CD59: variants seen among roughly 807,000 people sequenced by gnomAD.
The protein encoded by CD59 is CD59 glycoprotein.
In CD59, 3 loss-of-function variants were observed where a neutral mutation model predicts 7.0. That is an observed-to-expected ratio of 0.43 (90% confidence interval 0.19 to 1.10). The LOEUF (loss-of-function observed/expected upper bound fraction) is 1.10, where lower values mean the gene tolerates loss of function less well. CD59 is among the 50% of genes least tolerant of loss of function. The pLI, the probability that CD59 is intolerant of heterozygous loss-of-function variation, is 0.29. For missense variants in CD59, 143 were observed against 151.0 expected, an observed-to-expected ratio of 0.95 and a Z score of 0.28; for synonymous variants, 60 against 62.0, an observed-to-expected ratio of 0.97 and a Z score of 0.15.
At chr11:33,735,769 A>G (rs929085607) in intron 1 of CD59, among the ~76,000 whole-genome samples, 12 of 152,126 alleles carry the variant, frequency 7.9e-5, no homozygotes, top group Non-Finnish European at 1.8e-4. Context: ...TACAAAATTT[A>G]GCCAGGCATG....
intron 2 of CD59, 143 bp from the exon 3 acceptor site, chr11:33,717,614 T>C (rs1853860000): frequency 1.5e-6 from 1 of 674,610 alleles, no homozygotes; most frequent in Admixed American, 2.1e-5. Flanking sequence ...AGTTATATCT[T>C]TCCAAATTCA....
chr11:33,712,217 C>T (rs1853589528), intron 3 of CD59, among the ~76,000 whole-genome samples: 1 of 152,196 alleles, frequency 6.6e-6, no homozygotes, highest in Non-Finnish European at 1.5e-5. Flanking sequence ...ATCATGGTCT[C>T]ATTTTTGGAA....
intron 3 of CD59, among the ~76,000 whole-genome samples, chr11:33,713,801 C>T (rs1853667215): frequency 6.6e-6 from 1 of 152,176 alleles, no homozygotes; most frequent in South Asian, 2.1e-4. Context: ...ATTCAAACAA[C>T]AGCCTTAACG....
chr11:33,712,358 T>C (rs1176379130), intron 3 of CD59, among the ~76,000 whole-genome samples: 1 of 152,150 alleles, frequency 6.6e-6, no homozygotes, highest in East Asian at 1.9e-4. Flanking sequence ...TGATTCAAAA[T>C]TGCTAAAAAG....
rs1012035699 is a variant in CD59 at position 33,707,183 on chromosome 11, T to C, written c.*2943A>G. On this transcript the variant is annotated 3_prime_UTR_variant, in exon 4 of 4. Transcript: ENST00000642928. ...ATCAAGAATCCCTCAGGGGGATCTG[T>C]TAGCATTAGTTCAGATCTGTTGGCA... 5.3e-5 allele frequency: 8 copies of C among 152,262 alleles called. No homozygotes were observed. Among genetic ancestry groups the C allele is most frequent in the African/African-American group, 1.7e-4 (7 of 41,460 alleles). The allele number at this position is 152,262 out of a possible 1,614,324, so 9.4% of individuals were successfully genotyped here. A position where few individuals can be genotyped will look rare whatever the true frequency, so the allele number is the denominator to read the frequency against.
At chr11:33,730,458 A>T (rs1854384319) in intron 1 of CD59, among the ~76,000 whole-genome samples, 1 of 152,206 alleles carries the variant, frequency 6.6e-6, no homozygotes, top group Non-Finnish European at 1.5e-5. Flanking sequence ...CACAGACCAG[A>T]CATGGCACCA....
At chr11:33,735,214 C>A (rs900574963) in intron 1 of CD59, among the ~76,000 whole-genome samples, 1 of 152,214 alleles carries the variant, frequency 6.6e-6, no homozygotes, top group Non-Finnish European at 1.5e-5. Flanking sequence ...ACTTGAACAA[C>A]TGCTCAGGGA....
intron 3 of CD59, among the ~76,000 whole-genome samples, chr11:33,710,999 G>A (rs1033522870): frequency 2.1e-4 from 31 of 147,734 alleles, no homozygotes; most frequent in Non-Finnish European, 3.7e-4. Flanking sequence ...AATGACGTGG[G>A]CCTTCAAGTG....
rs1853546902 is a variant in CD59 at position 33,711,296 on chromosome 11, CT to C, written c.170-954del. On this transcript the variant is annotated intron_variant, in intron 3 of 3. Coordinates refer to ENST00000642928, the MANE Select transcript of CD59 (RefSeq NM_000611.6). The stretch of plus-strand genomic sequence containing the variant: ...AGCCTGGTCAACATGGCAAGACCCC[CT>C]CTCTATTTCTTTTTTAAAGTCATAT... 2.0e-5 allele frequency: 13 copies of C among 644,594 alleles called. No individual in the cohort carries two copies. The Middle Eastern group carries it at 7.6e-4, about 38-fold the overall frequency. The allele number at this position is 644,594 out of a possible 1,614,324, so 39.9% of individuals were successfully genotyped here.
intron 1 of CD59, among the ~76,000 whole-genome samples, chr11:33,723,908 G>A (rs1409967537): frequency 6.6e-6 from 1 of 152,142 alleles, no homozygotes; most frequent in Non-Finnish European, 1.5e-5. Context: ...ATCGGAGCCT[G>A]GGTATTATAG....
chr11:33,721,988 A>G (rs704700), intron 2 of CD59, among the ~76,000 whole-genome samples: 26,349 of 149,900 alleles, frequency 0.18, 2,483 homozygotes, highest in South Asian at 0.29. Flanking sequence ...ATTAAAACAC[A>G]GGAGGAGCCT....
intron 1 of CD59, among the ~76,000 whole-genome samples, chr11:33,728,514 G>T (rs1096558): frequency 0.4 from 60,635 of 151,588 alleles, 12,874 homozygotes; most frequent in Middle Eastern, 0.48. Flanking sequence ...TTACACAAAA[G>T]TTAACTTAAG....
chr11:33,719,355 C>T (rs1055545059), intron 2 of CD59: 18 of 152,342 alleles, frequency 1.2e-4, no homozygotes, highest in African/African-American at 4.3e-4. Context: ...GGTGTGGCGG[C>T]TCACACCTAC....
intron 1 of CD59, among the ~76,000 whole-genome samples, chr11:33,730,194 C>T (rs1393151071): frequency 6.6e-6 from 1 of 151,672 alleles, no homozygotes; most frequent in African/African-American, 2.4e-5. Context: ...TTTGAGGGGC[C>T]GAGGTGGGTG....
At position 33,736,101 on chromosome 11, in the gene CD59, G is replaced by A. The variant is rs1019688216; in HGVS notation, c.-19+281C>T. Reference sequence around the variant, plus strand: ...GGGGCCCGGGTGCGAGGCTGCCCCCGAGGGAATGGGGGGCGCGACGGGGGT... The same window carrying A: ...GGGGCCCGGGTGCGAGGCTGCCCCCAAGGGAATGGGGGGCGCGACGGGGGT... On this transcript the variant is annotated intron_variant, in intron 1 of 3. Coordinates refer to ENST00000642928, the MANE Select transcript of CD59 (RefSeq NM_000611.6). The surrounding 1 kb of genome is among the most constrained non-coding windows in gnomAD (Gnocchi z 4.4). 2.0e-5 allele frequency among the ~76,000 whole-genome samples: 3 copies of A among 152,132 alleles called. No individual in the cohort carries two copies. Among genetic ancestry groups the A allele is most frequent in the Admixed American group, 6.5e-5 (1 of 15,276 alleles).
chr11:33,720,221 G>C (rs1164388558), intron 2 of CD59, among the ~76,000 whole-genome samples: 1 of 152,230 alleles, frequency 6.6e-6, no homozygotes, highest in Non-Finnish European at 1.5e-5. Context: ...CACCTTGCAA[G>C]AGAAAACTAA....
In CD59 at chr11:33,705,194, G is replaced by T. The variant is rs1787378371; in HGVS notation, c.*4932C>A. The stretch of plus-strand genomic sequence containing the variant: ...GCAAAATAACCGTAGCTAACACTTA[G>T]TGACCACTTACTGTTGTGCGTTCTC... On this transcript the variant is annotated 3_prime_UTR_variant, in exon 4 of 4. Transcript: ENST00000642928. 1 of 152,208 alleles carries T rather than the reference G, an allele frequency of 6.6e-6. No individual in the cohort carries two copies. The highest frequency in any genetic ancestry group is 1.5e-5 in the Non-Finnish European group (1 of 68,046). The allele number at this position is 152,208 out of a possible 1,614,324, so 9.4% of individuals were successfully genotyped here. A position where few individuals can be genotyped will look rare whatever the true frequency, so the allele number is the denominator to read the frequency against.
chr11:33,712,980 A>T (rs911044584), intron 3 of CD59, among the ~76,000 whole-genome samples: 1 of 152,164 alleles, frequency 6.6e-6, no homozygotes, highest in Admixed American at 6.5e-5. Context: ...TGCCACATGG[A>T]TGATTTATTT....
chr11:33,729,747 T>C (rs1854360279), intron 1 of CD59, among the ~76,000 whole-genome samples: 1 of 152,088 alleles, frequency 6.6e-6, no homozygotes, highest in Admixed American at 6.5e-5. Context: ...GAAAATGTTT[T>C]AGATAGCAAA....
Sources: gnomAD v4.1 joint callset for allele counts (sites outside exome capture counted in the v4.1 genomes callset) on GRCh38, gnomAD v4.1.1 for gene constraint, Gnocchi (gnomAD v3.1) non-coding constraint, MANE v1.5 for transcripts, NCBI Gene and HGNC (gene_info 2026-07-23, HGNC 2026-07-21) for gene names.